ALS2: variants seen among roughly 807,000 people sequenced by gnomAD.
ALS2 encodes the protein alsin Rho guanine nucleotide exchange factor ALS2.
In ALS2, 117 loss-of-function variants were observed where a neutral mutation model predicts 203.4. The observed-to-expected ratio is 0.58, with a 90% CI of 0.50 to 0.67. The LOEUF (loss-of-function observed/expected upper bound fraction) is 0.67, where lower values mean the gene tolerates loss of function less well. Ranked by LOEUF, ALS2 falls within the 30% of genes least tolerant of loss-of-function variation. ALS2 has a pLI of 0.00. For missense variants in ALS2, 1,715 were observed against 1,989.4 expected, an observed-to-expected ratio of 0.86 and a Z score of 2.62; for synonymous variants, 718 against 725.9, an observed-to-expected ratio of 0.99 and a Z score of 0.17.
At chr2:201,769,058 C>T (rs1020224424) in intron 1 of ALS2, 113 bp from the exon 2 acceptor site, 18 of 568,020 alleles carry the variant, frequency 3.2e-5, no homozygotes, top group Non-Finnish European at 5.2e-5. Flanking sequence ...AATAAATATG[C>T]AGTAAAACTA....
rs74922759 is a variant in ALS2 at position 201,746,440 on chromosome 2, T to G, written c.1998+126A>C. 3.1e-3 allele frequency: 3,427 copies of G among 1,109,964 alleles called. 58 individuals carry two copies. The African/African-American group carries it at 0.04, about 13-fold the overall frequency. The allele number at this position is 1,109,964 out of a possible 1,614,324, so 68.8% of individuals were successfully genotyped here. The stretch of plus-strand genomic sequence containing the variant: ...GGAGTGAAGGGGGCTTGAAAGGAGT[T>G]TGCAATTTTAAATAAGGTAGTTAGA... On this transcript the variant is annotated intron_variant, in intron 9 of 33. Transcript: ENST00000264276.
Position 201,726,858 on chromosome 2 carries a change from C to A in ALS2, c.2988G>T (p.Trp996Cys). ...CTACGGCTTGGCTTATAGCTCGTAG[C>A]CACTTTGTCTAGGAGCAAAAAGTAA... ...ISSTPQEKTK[W>C]LRAISQAVDQ... Residue 996 changes from tryptophan to cysteine, a missense_variant, in exon 18 of 34, where the codon TGG becomes TGT. Physicochemically the swap from Trp to Cys is radical, Grantham distance 215 (BLOSUM62 -2). Coordinates refer to ENST00000264276, the MANE Select transcript of ALS2 (RefSeq NM_020919.4). 1.2e-6 allele frequency: 2 copies of A among 1,613,806 alleles called. No homozygotes were observed. The highest frequency in any genetic ancestry group is 1.7e-6 in the Non-Finnish European group (2 of 1,179,894).
chr2:201,726,487 T>C lies in ALS2; in HGVS notation c.3245A>G (p.Asp1082Gly). The change falls in exon 19 of 34, where the codon GAT becomes GGT. Residue 1082 changes from aspartate to glycine, a missense_variant. Physicochemically the swap from Asp to Gly is moderately conservative, Grantham distance 94 (BLOSUM62 -1). Transcript: ENST00000264276. The part of the protein sequence containing the change: ...YSGMFRNGLE[D>G]GYGEYRIPNK... ...ATGTTTTACACAATTTTCTTACCCA[T>C]CTTCCAAGCCATTCCTGAACATGCC... 3 of 1,613,868 alleles carry C rather than the reference T, an allele frequency of 1.9e-6. No individual in the cohort carries two copies. The highest frequency in any genetic ancestry group is 1.1e-5 in the South Asian group (1 of 91,078).
chr2:201,728,501 A>G lies in ALS2; in HGVS notation c.2841+11T>C, dbSNP rs1691338872. ...TTCAGGAATTCTTTTAAGGTTAGGA[A>G]TCCAGCCTACCTGGGCATGGACCAG... is the stretch of plus-strand genomic sequence containing the variant. On this transcript the variant is annotated intron_variant, in intron 15 of 33. Transcript: ENST00000264276. 2 of 1,614,052 alleles carry G rather than the reference A, an allele frequency of 1.2e-6. No individual in the cohort carries two copies. Among genetic ancestry groups the G allele is most frequent in the African/African-American group, 1.3e-5 (1 of 75,052 alleles).
intron 3 of ALS2, among the ~76,000 whole-genome samples, chr2:201,764,231 A>G (rs1693938373): frequency 6.6e-6 from 1 of 152,230 alleles, no homozygotes; most frequent in Non-Finnish European, 1.5e-5. Context: ...AAAGCTCACC[A>G]AGTCTTTCAA....
chr2:201,739,205 C>T (rs1421486713), intron 11 of ALS2, among the ~76,000 whole-genome samples: 1 of 115,026 alleles, frequency 8.7e-6, no homozygotes, highest in Non-Finnish European at 1.6e-5. Context: ...CAACATTGCA[C>T]AGCCTGAGTG....
Position 201,747,560 on chromosome 2 carries a change from C to T in ALS2, c.1816-812G>A, listed in dbSNP as rs553085558. Among the ~76,000 whole-genome samples, 27 of 151,530 alleles carry T rather than the reference C, an allele frequency of 1.8e-4. No individual in the cohort carries two copies. In the South Asian group the frequency reaches 5.1e-3, roughly 29 times the overall value. On this transcript the variant is annotated intron_variant, in intron 8 of 33. Transcript: ENST00000264276. ...CCACCTCCCGGGTTCATGCCATTCT[C>T]CTGCCTCAGCCTCCCGAGTAGCTGG...
rs530735211 is a variant in ALS2 at position 201,704,690 on chromosome 2, G to A, written c.4689-87C>T. Reference sequence around the variant, plus strand: ...TGCTTTTTTGACAATATTCCCTCCTGGGATTCACATGCCTTAACCCGGACA... The same window carrying A: ...TGCTTTTTTGACAATATTCCCTCCTAGGATTCACATGCCTTAACCCGGACA... On this transcript the variant is annotated intron_variant, in intron 31 of 33. Transcript: ENST00000264276. 35 of 1,462,476 alleles carry A rather than the reference G, an allele frequency of 2.4e-5. No individual in the cohort carries two copies. In the African/African-American group the frequency reaches 4.2e-4, roughly 18 times the overall value. The allele number at this position is 1,462,476 out of a possible 1,614,324, so 90.6% of individuals were successfully genotyped here.
In ALS2 at chr2:201,725,355, C is replaced by T; in HGVS notation, c.3347+1G>A. The T allele has an allele frequency of 6.2e-7, 1 of 1,611,860 alleles. No individual in the cohort carries two copies. Among genetic ancestry groups the T allele is most frequent in the Non-Finnish European group, 8.5e-7 (1 of 1,177,986 alleles). ...CAGTCCAACAGCCTTTCCAATGTTACCTGTAGACTCCTTGACCGCACATTT... is the reference window on the plus strand; with the variant it reads ...CAGTCCAACAGCCTTTCCAATGTTATCTGTAGACTCCTTGACCGCACATTT... On this transcript the variant is annotated splice_donor_variant, in intron 20 of 33. Transcript: ENST00000264276. LOFTEE classifies it high-confidence loss of function.
Position 201,753,597 on chromosome 2 carries a change from C to T in ALS2, c.1641-355G>A, listed in dbSNP as rs2041758. ...AGTTGCCTTCACTCTACTATGAATA[C>T]AGACATTTATATTAACTCACTACTT... On this transcript the variant is annotated intron_variant, in intron 6 of 33. Coordinates refer to ENST00000264276, the MANE Select transcript of ALS2 (RefSeq NM_020919.4). 1.3e-4 allele frequency among the ~76,000 whole-genome samples: 20 copies of T among 152,086 alleles called. No homozygotes were observed. In the South Asian group the frequency reaches 2.1e-3, roughly 16 times the overall value.
At chr2:201,737,799 G>A (rs1691978850) in intron 12 of ALS2, among the ~76,000 whole-genome samples, 1 of 152,042 alleles carries the variant, frequency 6.6e-6, no homozygotes, top group South Asian at 2.1e-4. Context: ...GTGCACACCT[G>A]TAGCCCCAGC....
In ALS2 at chr2:201,757,581, T is replaced by C. The variant is rs763017732; in HGVS notation, c.1292A>G (p.Glu431Gly). 1.2e-6 allele frequency: 2 copies of C among 1,614,208 alleles called. No individual in the cohort carries two copies. The highest frequency in any genetic ancestry group is 1.7e-6 in the Non-Finnish European group (2 of 1,180,034). The change falls in exon 5 of 34, where the codon GAA becomes GGA. Residue 431 changes from glutamate to glycine, a missense_variant. Transcript: ENST00000264276. ...ACTACTGCCTGCCTGAGCTCCAGTT[T>C]CACAAGGGGTTGTACTATAAAAGTT... is the stretch of plus-strand genomic sequence containing the variant. Reference protein sequence around the residue: ...VMNFYSTTPCETGAQAGSSAI... With the variant: ...VMNFYSTTPCGTGAQAGSSAI...
Position 201,705,441 on chromosome 2 carries a change from A to G in ALS2, c.4601T>C (p.Leu1534Ser). 6.2e-7 allele frequency: 1 copy of G among 1,613,580 alleles called. No homozygotes were observed. The highest frequency in any genetic ancestry group is 1.1e-5 in the South Asian group (1 of 91,040). The stretch of plus-strand genomic sequence containing the variant: ...CTTTTTACTCTCTCCAAGGATTGAC[A>G]AGGTTGCTGGCCAAAATTTCCTATA... Reference protein sequence around the residue: ...GVQRKFWPATLSILGESKKVL... With the variant: ...GVQRKFWPATSSILGESKKVL... Residue 1534 changes from leucine (L) to serine (S), a missense_variant, in exon 30 of 34, where the codon TTG becomes TCG. Leu to Ser is a moderately radical substitution (Grantham distance 145, BLOSUM62 -2). Coordinates refer to ENST00000264276, the MANE Select transcript of ALS2 (RefSeq NM_020919.4).
intron 1 of ALS2, among the ~76,000 whole-genome samples, chr2:201,777,800 T>TA (rs1352968419): frequency 6.6e-6 from 1 of 152,212 alleles, no homozygotes; most frequent in East Asian, 1.9e-4. Flanking sequence ...AAATGCATCT[T>TA]ACTGTATAAA....
At chr2:201,745,278 C>T (rs1263716355) in intron 9 of ALS2, among the ~76,000 whole-genome samples, 1 of 152,126 alleles carries the variant, frequency 6.6e-6, no homozygotes, top group African/African-American at 2.4e-5. Flanking sequence ...CTTGAACTGG[C>T]CTCAAGTGAT....
chr2:201,742,793 C>T (rs1214535508), intron 10 of ALS2, among the ~76,000 whole-genome samples: 4 of 152,168 alleles, frequency 2.6e-5, no homozygotes, highest in East Asian at 3.9e-4. Flanking sequence ...ATGGGCAGGC[C>T]GGGCACGGTG....
At chr2:201,772,984 C>T (rs1694476756) in intron 1 of ALS2, among the ~76,000 whole-genome samples, 1 of 151,484 alleles carries the variant, frequency 6.6e-6, no homozygotes, top group African/African-American at 2.4e-5. Flanking sequence ...GCCTCAGCCT[C>T]CCGAGTAGCT....
In ALS2 at chr2:201,747,488, T is replaced by G. The variant is rs1692742245; in HGVS notation, c.1816-740A>C. Among the ~76,000 whole-genome samples, 3 of 146,960 alleles carry G rather than the reference T, an allele frequency of 2.0e-5. No homozygotes were observed. In the Admixed American group the frequency reaches 2.1e-4, roughly 10 times the overall value. On this transcript the variant is annotated intron_variant, in intron 8 of 33. Transcript: ENST00000264276. Reference sequence around the variant, plus strand: ...TTTTTTTTTTTTTTTTGAGACTCTTTCGCCCAGGCTGGTGTGCAGTGGCGC... The same window carrying G: ...TTTTTTTTTTTTTTTTGAGACTCTTGCGCCCAGGCTGGTGTGCAGTGGCGC...
At chr2:201,778,773 A>G (rs1317822676) in intron 1 of ALS2, among the ~76,000 whole-genome samples, 1 of 152,206 alleles carries the variant, frequency 6.6e-6, no homozygotes, top group African/African-American at 2.4e-5. Flanking sequence ...TAATTCCACA[A>G]AGTTATAAAA....
Sources: allele counts gnomAD v4.1 joint callset (sites outside exome capture counted in the v4.1 genomes callset), GRCh38; gene constraint gnomAD v4.1.1; transcripts MANE v1.5; gene names NCBI Gene and HGNC (gene_info 2026-07-23, HGNC 2026-07-21).